ITGB3BP: variants seen among roughly 807,000 people sequenced by gnomAD.
ITGB3BP encodes centromere protein R.
ITGB3BP carries 27 observed loss-of-function variants against 29.1 expected under a neutral mutation model. The ratio of observed to expected loss-of-function variants is 0.93; its 90% confidence interval spans 0.68 to 1.28. The LOEUF (loss-of-function observed/expected upper bound fraction) is 1.28, where lower values mean the gene tolerates loss of function less well. Ranked by LOEUF, ITGB3BP falls within the 50% of genes most tolerant of loss-of-function variation. The pLI is 0.00. For missense variants in ITGB3BP, 192 were observed against 200.2 expected (o/e 0.96, Z 0.25); for synonymous variants, 61 against 61.4 (o/e 0.99, Z 0.03).
intron 4 of ITGB3BP, among the ~76,000 whole-genome samples, chr1:63,471,821 G>A (rs1184658005): frequency 6.6e-6 from 1 of 151,998 alleles, no homozygotes; most frequent in Non-Finnish European, 1.5e-5. Flanking sequence ...GTCTCACTCT[G>A]TCACCCAGGC....
At chr1:63,522,963 A>G in intron 1 of ITGB3BP, 166 bp downstream of exon 1, 1 of 814,970 alleles carries the variant, frequency 1.2e-6, no homozygotes, top group Non-Finnish European at 2.2e-6. Flanking sequence ...CCGCTGGAGG[A>G]GACGTAGAGT....
At chr1:63,457,106 T>A (rs1174111724) in intron 4 of ITGB3BP, 1 of 152,172 alleles carries the variant, frequency 6.6e-6, no homozygotes, top group African/African-American at 2.4e-5. Context: ...CCTCTCCTCC[T>A]CCTTTTCTTC....
rs983237670 is a variant in ITGB3BP at position 63,523,163 on chromosome 1, T to C, written c.-30A>G. On this transcript the variant is annotated 5_prime_UTR_variant, in exon 1 of 9. Transcript: ENST00000271002. ...AGATTCGGGAAAGCACCACTGCCGC[T>C]GAATAAAACGAACCCAGCAACTTCC... is the stretch of plus-strand genomic sequence containing the variant. 1.2e-5 allele frequency: 20 copies of C among 1,613,614 alleles called. No homozygotes were observed. The highest frequency in any genetic ancestry group is 4.0e-5 in the African/African-American group (3 of 74,868).
Position 63,523,167 on chromosome 1 carries a change from TA to T in ITGB3BP, c.-35del, listed in dbSNP as rs1405845138. The T allele has an allele frequency of 1.9e-6, 3 of 1,613,710 alleles. No individual in the cohort carries two copies. The highest frequency in any genetic ancestry group is 1.7e-6 in the Non-Finnish European group (2 of 1,179,976). On this transcript the variant is annotated 5_prime_UTR_variant, in exon 1 of 9. Transcript: ENST00000271002. Reference sequence around the variant, plus strand: ...TCGGGAAAGCACCACTGCCGCTGAATAAAACGAACCCAGCAACTTCCGAAAA... The same window carrying T: ...TCGGGAAAGCACCACTGCCGCTGAATAAACGAACCCAGCAACTTCCGAAAA...
intron 3 of ITGB3BP, among the ~76,000 whole-genome samples, chr1:63,479,916 A>C (rs1022560987): frequency 1.3e-5 from 2 of 152,104 alleles, no homozygotes; most frequent in Non-Finnish European, 2.9e-5. Context: ...GGGAGTCCAG[A>C]TATTTCTTTG....
chr1:63,494,183 G>A (rs1355930011), intron 2 of ITGB3BP, among the ~76,000 whole-genome samples: 2 of 151,700 alleles, frequency 1.3e-5, no homozygotes, highest in Non-Finnish European at 1.5e-5. Context: ...TGGGTCTTCC[G>A]GACTGGAGTG....
intron 4 of ITGB3BP, among the ~76,000 whole-genome samples, chr1:63,456,464 T>C (rs1051122256): frequency 1.3e-4 from 20 of 152,128 alleles, no homozygotes; most frequent in African/African-American, 4.6e-4. Flanking sequence ...CTTCTTCAAA[T>C]TGGATCCAAA....
chr1:63,510,118 A>G (rs1376848388), intron 1 of ITGB3BP: 1 of 636,858 alleles, frequency 1.6e-6, no homozygotes. Context: ...TGAACGCGGG[A>G]AGCAGATGTT....
Position 63,454,056 on chromosome 1 carries a change from A to C in ITGB3BP, c.428-82T>G. 1 of 722,614 alleles carries C rather than the reference A, an allele frequency of 1.4e-6. No homozygotes were observed. The highest frequency in any genetic ancestry group is 1.8e-5 in the South Asian group (1 of 55,760). The allele number at this position is 722,614 out of a possible 1,614,324, so 44.8% of individuals were successfully genotyped here. Reference sequence around the variant, plus strand: ...AATACTTGCAACAAACAACTTCATGAGAAAAAAATAATTCAAAATAATACA... The same window carrying C: ...AATACTTGCAACAAACAACTTCATGCGAAAAAAATAATTCAAAATAATACA... On this transcript the variant is annotated intron_variant, in intron 6 of 8. Coordinates refer to ENST00000271002, the MANE Select transcript of ITGB3BP (RefSeq NM_014288.5). This position sits in a 1 kb window ranked among gnomAD's most constrained non-coding sequence, Gnocchi z 4.1.
chr1:63,441,781 C>T (rs993949264), intron 8 of ITGB3BP, among the ~76,000 whole-genome samples: 2 of 152,140 alleles, frequency 1.3e-5, no homozygotes, highest in Admixed American at 6.5e-5. Context: ...ATGACAGATT[C>T]CTATTCAGAA....
intron 4 of ITGB3BP, among the ~76,000 whole-genome samples, chr1:63,476,648 A>G (rs1324522405): frequency 1.3e-5 from 2 of 152,226 alleles, no homozygotes; most frequent in Non-Finnish European, 2.9e-5. Flanking sequence ...AAGGAAAGAC[A>G]CTATTAAGTT....
chr1:63,465,798 C>G (rs1453397898), intron 4 of ITGB3BP, among the ~76,000 whole-genome samples: 1 of 152,080 alleles, frequency 6.6e-6, no homozygotes, highest in African/African-American at 2.4e-5. Flanking sequence ...ATAAACAAAA[C>G]TATGTATTTG....
intron 2 of ITGB3BP, among the ~76,000 whole-genome samples, chr1:63,507,177 C>G (rs1646098953): frequency 6.6e-6 from 1 of 152,210 alleles, no homozygotes; most frequent in Non-Finnish European, 1.5e-5. Flanking sequence ...TGCTAGGAAC[C>G]TCCTTCGGGC....
chr1:63,525,479 C>CTTGA, upstream of ITGB3BP: 1 of 1,052,172 alleles, frequency 9.5e-7, no homozygotes, highest in African/African-American at 1.7e-5. Context: ...TGTATAAAAT[C>CTTGA]TTGATTCTCC....
At chr1:63,455,373 T>A (rs1202146855) in intron 4 of ITGB3BP, among the ~76,000 whole-genome samples, 1 of 152,040 alleles carries the variant, frequency 6.6e-6, no homozygotes, top group East Asian at 1.9e-4. Context: ...TCTGAACATA[T>A]CTCCAGTTAG....
intron 4 of ITGB3BP, among the ~76,000 whole-genome samples, chr1:63,460,074 C>G (rs993635555): frequency 3.3e-5 from 5 of 151,740 alleles, no homozygotes; most frequent in African/African-American, 1.2e-4. Context: ...TTTTTACAGG[C>G]TGTCTCAAGG....
intron 4 of ITGB3BP, among the ~76,000 whole-genome samples, chr1:63,462,761 T>C (rs751940653): frequency 6.6e-6 from 1 of 152,236 alleles, no homozygotes; most frequent in Non-Finnish European, 1.5e-5. Flanking sequence ...AAGAGGAATT[T>C]AGAATACTGA....
In ITGB3BP at chr1:63,495,696, A is replaced by T. The variant is rs114105408; in HGVS notation, c.49-5478T>A. On this transcript the variant is annotated intron_variant, in intron 2 of 8. Coordinates refer to ENST00000271002, the MANE Select transcript of ITGB3BP (RefSeq NM_014288.5). Reference sequence around the variant, plus strand: ...GAAGGTGGGGGTGGGGGTGAAGGCAAATTAATTCTAACCATGCTATTCAAG... The same window carrying T: ...GAAGGTGGGGGTGGGGGTGAAGGCATATTAATTCTAACCATGCTATTCAAG... 4.3e-3 allele frequency among the ~76,000 whole-genome samples: 660 copies of T among 152,164 alleles called. 5 individuals are homozygous for T. Among genetic ancestry groups the T allele is most frequent in the African/African-American group, 0.015 (607 of 41,502 alleles).
chr1:63,471,424 T>A (rs1645195313), intron 4 of ITGB3BP, among the ~76,000 whole-genome samples: 1 of 151,832 alleles, frequency 6.6e-6, no homozygotes, highest in African/African-American at 2.4e-5. Context: ...GCTATTTTTT[T>A]ATATTTTTAA....
Sources: gnomAD v4.1 joint callset for allele counts (sites outside exome capture counted in the v4.1 genomes callset) on GRCh38, gnomAD v4.1.1 for gene constraint, Gnocchi (gnomAD v3.1) non-coding constraint, MANE v1.5 for transcripts, NCBI Gene and HGNC (gene_info 2026-07-23, HGNC 2026-07-21) for gene names.